COL5A2: variants seen among roughly 807,000 people sequenced by gnomAD.
The protein encoded by COL5A2 is collagen type V alpha 2 chain.
Under a neutral mutation model 208.2 loss-of-function variants are expected in COL5A2, and 23 were observed. The observed-to-expected ratio is 0.11, with a 90% CI of 0.08 to 0.16. The LOEUF (loss-of-function observed/expected upper bound fraction) is 0.16, where lower values mean the gene tolerates loss of function less well. Among genes scored for constraint, COL5A2 ranks in the 10% least tolerant of loss-of-function variants. The pLI is 1.00. For synonymous variants in COL5A2, 625 were observed against 628.5 expected (o/e 0.99, Z 0.08); for missense variants, 1,590 against 1,956.4 (o/e 0.81, Z 3.53).
At chr2:189,101,700 G>A (rs1248909469) in intron 3 of COL5A2, among the ~76,000 whole-genome samples, 4 of 151,982 alleles carry the variant, frequency 2.6e-5, no homozygotes, top group Admixed American at 6.6e-5. Context: ...ACTTAAGGGC[G>A]GAACTAATAA....
the COL5A2 span, among the ~76,000 whole-genome samples, chr2:189,335,638 A>C: frequency 6.6e-6 from 1 of 152,120 alleles, no homozygotes; most frequent in African/African-American, 2.4e-5. Flanking sequence ...ATCATGCTAA[A>C]TGAAATAAGC....
intron 7 of COL5A2, among the ~76,000 whole-genome samples, chr2:189,090,606 G>A (rs1686764106): frequency 1.3e-5 from 2 of 152,180 alleles, no homozygotes; most frequent in African/African-American, 4.8e-5. Context: ...CCAAGAACAG[G>A]CTTATTCTCT....
rs1327072014 is a variant in COL5A2 at position 189,039,307 on chromosome 2, T to C, written c.3890A>G (p.Asp1297Gly). ...GSKKHPARTC[D>G]DLKLCHSAKQ... ...TGCGGAATGGCAAAGCTTTAGGTCATCACACGTGCGGGCTGGGTGCTTTTT... is the reference window on the plus strand; with the variant it reads ...TGCGGAATGGCAAAGCTTTAGGTCACCACACGTGCGGGCTGGGTGCTTTTT... The change falls in exon 51 of 54, where the codon GAT becomes GGT. Residue 1297 changes from aspartate to glycine, a missense_variant. Asp to Gly is a moderately conservative substitution (Grantham distance 94, BLOSUM62 -1). Transcript: ENST00000374866. 6.2e-7 allele frequency: 1 copy of C among 1,614,102 alleles called. No individual in the cohort carries two copies.
the COL5A2 span, among the ~76,000 whole-genome samples, chr2:189,390,400 C>A: frequency 6.6e-6 from 1 of 152,136 alleles, no homozygotes; most frequent in Non-Finnish European, 1.5e-5. Context: ...ACCAAAATGT[C>A]TTTATCAAAA....
chr2:189,272,045 G>A, the COL5A2 span, among the ~76,000 whole-genome samples: 3 of 152,074 alleles, frequency 2.0e-5, no homozygotes, highest in Admixed American at 1.3e-4. Context: ...ATATAGGAAC[G>A]CTTTTACACT....
In COL5A2 at chr2:189,091,904, T is replaced by C. The variant is rs1022690394; in HGVS notation, c.567+406A>G. ...TAGTGTCAACTCAATGGCCTTCTCA[T>C]ATCCCTCATCATGGATGTGTCATCC... On this transcript the variant is annotated intron_variant, in intron 7 of 53. Coordinates refer to ENST00000374866, the MANE Select transcript of COL5A2 (RefSeq NM_000393.5). Among the ~76,000 whole-genome samples the C allele has an allele frequency of 1.4e-4, 22 of 152,240 alleles. 1 individual carries two copies. Among genetic ancestry groups the C allele is most frequent in the Admixed American group, 2.0e-4 (3 of 15,276 alleles).
chr2:189,169,733 C>T (rs750224334), intron 1 of COL5A2, among the ~76,000 whole-genome samples: 6 of 152,092 alleles, frequency 3.9e-5, no homozygotes, highest in Admixed American at 6.5e-5. Context: ...TTTTTTGAGA[C>T]GGATTTTTGC....
chr2:189,212,476 A>G (rs1363651328), intron 1 of COL5A2, among the ~76,000 whole-genome samples: 1 of 151,908 alleles, frequency 6.6e-6, no homozygotes, highest in African/African-American at 2.4e-5. Context: ...AGTCTCTATT[A>G]AAAATACAAA....
At chr2:189,381,276 G>T in the COL5A2 span, among the ~76,000 whole-genome samples, 3 of 151,874 alleles carry the variant, frequency 2.0e-5, no homozygotes, top group Admixed American at 6.6e-5. Flanking sequence ...TATCTCTGAT[G>T]AAGAAACATC....
chr2:189,440,827 T>A, the COL5A2 span, among the ~76,000 whole-genome samples: 1 of 152,108 alleles, frequency 6.6e-6, no homozygotes, highest in Non-Finnish European at 1.5e-5. Context: ...ACTGGCCGAA[T>A]GTCAGATTAG....
At chr2:189,243,841 A>G in the COL5A2 span, among the ~76,000 whole-genome samples, 1 of 152,226 alleles carries the variant, frequency 6.6e-6, no homozygotes, top group Non-Finnish European at 1.5e-5. Flanking sequence ...ATGGAGGCAC[A>G]GGCATTGGAT....
intron 1 of COL5A2, among the ~76,000 whole-genome samples, chr2:189,211,967 G>C (rs1689218218): frequency 6.6e-6 from 1 of 152,208 alleles, no homozygotes; most frequent in African/African-American, 2.4e-5. Context: ...TGATGGACTT[G>C]AGAAATGACA....
chr2:189,329,289 CAT>C, the COL5A2 span, among the ~76,000 whole-genome samples: 1 of 152,036 alleles, frequency 6.6e-6, no homozygotes, highest in Non-Finnish European at 1.5e-5. Flanking sequence ...TCATAGAACT[CAT>C]AGAAGCCGAG....
chr2:189,362,916 T>G, the COL5A2 span, among the ~76,000 whole-genome samples: 2 of 152,118 alleles, frequency 1.3e-5, no homozygotes, highest in Non-Finnish European at 2.9e-5. Flanking sequence ...TATGTAAGTT[T>G]TTTTAATTAT....
chr2:189,293,265 GA>G, the COL5A2 span, among the ~76,000 whole-genome samples: 8 of 150,130 alleles, frequency 5.3e-5, no homozygotes, highest in Non-Finnish European at 8.9e-5. Flanking sequence ...AATAATAAAA[GA>G]AAAAAAAAGA....
chr2:189,076,131 C>T (rs1179605364), intron 16 of COL5A2, among the ~76,000 whole-genome samples: 1 of 152,128 alleles, frequency 6.6e-6, no homozygotes, highest in African/African-American at 2.4e-5. Context: ...TCTGAAAAAC[C>T]CTGCTTTTAT....
the COL5A2 span, among the ~76,000 whole-genome samples, chr2:189,334,891 G>C: frequency 6.6e-6 from 1 of 151,938 alleles, no homozygotes; most frequent in Non-Finnish European, 1.5e-5. Context: ...CCTACCAATA[G>C]AGCAGAATAG....
chr2:189,165,490 T>G (rs908147317), intron 1 of COL5A2, among the ~76,000 whole-genome samples: 1 of 152,170 alleles, frequency 6.6e-6, no homozygotes, highest in Non-Finnish European at 1.5e-5. Context: ...ATAAAAATTG[T>G]TTTAGTTATT....
the COL5A2 span, chr2:189,311,407 G>A: frequency 5.5e-6 from 6 of 1,093,910 alleles, no homozygotes; most frequent in Non-Finnish European, 8.2e-6. Flanking sequence ...CTTCCAGCAG[G>A]CGGCGGTAGG....
Sources: gnomAD v4.1 joint callset for allele counts (sites outside exome capture counted in the v4.1 genomes callset) on GRCh38, gnomAD v4.1.1 for gene constraint, MANE v1.5 for transcripts, NCBI Gene and HGNC (gene_info 2026-07-23, HGNC 2026-07-21) for gene names.